The following ACSM3 variants were observed in gnomAD, a reference collection of about 807,000 sequenced individuals.
The protein encoded by ACSM3 is acyl-CoA synthetase medium chain family member 3.
A neutral mutation model predicts 74.1 loss-of-function variants in ACSM3; 61 were observed. The observed-to-expected ratio is 0.82, with a 90% CI of 0.67 to 1.02. The LOEUF (loss-of-function observed/expected upper bound fraction) is 1.02, where lower values mean the gene tolerates loss of function less well. Among genes scored for constraint, ACSM3 ranks in the 50% least tolerant of loss-of-function variants. The pLI is 0.00. For missense variants in ACSM3, 660 were observed against 697.0 expected, an observed-to-expected ratio of 0.95 and a Z score of 0.60; for synonymous variants, 213 against 241.5, an observed-to-expected ratio of 0.88 and a Z score of 1.09.
At chr16:20,747,389 G>A (rs770262498) in intron 1 of ACSM3, among the ~76,000 whole-genome samples, 1 of 152,132 alleles carries the variant, frequency 6.6e-6, no homozygotes, top group Non-Finnish European at 1.5e-5. Flanking sequence ...TTAACAAACT[G>A]CCTTTGTTCT....
At chr16:20,749,601 GAGA>G (rs2079973957) in intron 1 of ACSM3, 1 of 152,318 alleles carries the variant, frequency 6.6e-6, no homozygotes, top group East Asian at 1.9e-4. Context: ...GAGCCAGAAA[GAGA>G]AGTAGAGACA....
At chr16:20,728,037 T>C (rs1376819540) in intron 1 of ACSM3, 2 of 202,640 alleles carry the variant, frequency 9.9e-6, no homozygotes, top group African/African-American at 4.8e-5. Context: ...TCTCAAATAG[T>C]ATATTTCAGA....
At chr16:20,709,119 T>A (rs1596482412) in intron 1 of ACSM3, among the ~76,000 whole-genome samples, 1 of 152,174 alleles carries the variant, frequency 6.6e-6, no homozygotes, top group East Asian at 1.9e-4. Flanking sequence ...ACCCAAAGTA[T>A]AATTTAAAAA....
intron 4 of ACSM3, chr16:20,780,498 TA>T: frequency 1.1e-6 from 1 of 883,468 alleles, no homozygotes; most frequent in South Asian, 1.8e-5. Context: ...GCAGCTATTA[TA>T]AATGGGCCTT....
In ACSM3 at chr16:20,697,281, T is replaced by G. The variant is rs147497283; in HGVS notation, c.-190+22459T>G. ...TTCACTTTATAGAAAGTGAGCCAAC[T>G]TCTGCATAGATAGAAAAGATTTCCT... On this transcript the variant is annotated intron_variant, in intron 1 of 3. Transcript: ENST00000561584. Among the ~76,000 whole-genome samples the G allele has an allele frequency of 7.6e-3, 1,151 of 152,238 alleles. 10 individuals are homozygous for G. Among genetic ancestry groups the G allele is most frequent in the African/African-American group, 0.027 (1,122 of 41,514 alleles).
At chr16:20,788,480 CT>C (rs1268609876) in intron 9 of ACSM3, among the ~76,000 whole-genome samples, 4 of 152,140 alleles carry the variant, frequency 2.6e-5, no homozygotes, top group Non-Finnish European at 4.4e-5. Context: ...GAAAACAGTA[CT>C]TTTTCTGCAT....
chr16:20,754,504 C>T (rs1477347094), intron 2 of ACSM3, among the ~76,000 whole-genome samples: 1 of 152,186 alleles, frequency 6.6e-6, no homozygotes, highest in Non-Finnish European at 1.5e-5. Flanking sequence ...CAGAACAGTG[C>T]AAATAAGGCA....
intron 1 of ACSM3, chr16:20,729,360 T>C: frequency 7.1e-7 from 1 of 1,416,960 alleles, no homozygotes; most frequent in Admixed American, 1.7e-5. Context: ...TCCTCTGGGT[T>C]TGTAGATTTG....
At chr16:20,702,228 T>C (rs1433938515) in intron 1 of ACSM3, among the ~76,000 whole-genome samples, 3 of 152,210 alleles carry the variant, frequency 2.0e-5, no homozygotes, top group Non-Finnish European at 4.4e-5. Context: ...TTTCTTTTTT[T>C]ATAAGACAGA....
intron 1 of ACSM3, among the ~76,000 whole-genome samples, chr16:20,707,162 G>T (rs751391778): frequency 5.9e-5 from 9 of 152,122 alleles, no homozygotes; most frequent in Non-Finnish European, 8.8e-5. Flanking sequence ...AGTCCCCAGG[G>T]TCATACTTGC....
At chr16:20,683,826 C>G (rs1464954788) in intron 1 of ACSM3, among the ~76,000 whole-genome samples, 1 of 151,924 alleles carries the variant, frequency 6.6e-6, no homozygotes, top group Non-Finnish European at 1.5e-5. Context: ...CCTCAGCCTC[C>G]CAAAGTGCTG....
At chr16:20,743,230 G>A (rs1163489192) in intron 1 of ACSM3, among the ~76,000 whole-genome samples, 7 of 152,044 alleles carry the variant, frequency 4.6e-5, no homozygotes, top group African/African-American at 9.7e-5. Flanking sequence ...GAGCCACCGC[G>A]CCTGGCCGTA....
chr16:20,776,835 G>A (rs1037131755), intron 3 of ACSM3, among the ~76,000 whole-genome samples: 7 of 152,162 alleles, frequency 4.6e-5, no homozygotes, highest in Non-Finnish European at 1.0e-4. Flanking sequence ...CAGAAAAGAT[G>A]AATGCCTCCA....
intron 1 of ACSM3, chr16:20,741,490 C>A: frequency 4.7e-6 from 1 of 210,614 alleles, no homozygotes; most frequent in Non-Finnish European, 9.5e-6. Flanking sequence ...GGCCCGCCCG[C>A]CCACCCCGGG....
At chr16:20,682,926 A>T (rs2079476379) in intron 1 of ACSM3, among the ~76,000 whole-genome samples, 1 of 151,698 alleles carries the variant, frequency 6.6e-6, no homozygotes, top group Non-Finnish European at 1.5e-5. Context: ...GTATTTCACC[A>T]CATTGTCCTT....
intron 1 of ACSM3, among the ~76,000 whole-genome samples, chr16:20,709,275 T>C (rs919590694): frequency 6.6e-6 from 1 of 152,154 alleles, no homozygotes; most frequent in African/African-American, 2.4e-5. Context: ...AAAAAAATGA[T>C]ATTGCTTAAC....
intron 1 of ACSM3, among the ~76,000 whole-genome samples, chr16:20,691,803 GTGTT>G (rs1453964171): frequency 3.4e-5 from 4 of 116,322 alleles, no homozygotes; most frequent in African/African-American, 1.2e-4. Context: ...GTGTGTGTGT[GTGTT>G]TCTAAACAGA....
At chr16:20,703,816 C>G (rs1391819944) in intron 1 of ACSM3, 1 of 152,206 alleles carries the variant, frequency 6.6e-6, no homozygotes, top group African/African-American at 2.4e-5. Flanking sequence ...GCCACAATGT[C>G]TGGCCAGAAC....
chr16:20,792,449 A>G, intron 12 of ACSM3, 114 bp downstream of exon 12: 1 of 1,545,928 alleles, frequency 6.5e-7, no homozygotes, highest in Non-Finnish European at 8.8e-7. Context: ...TAAATATGCA[A>G]GTCAGATAGA....
Sources: allele counts gnomAD v4.1 joint callset (sites outside exome capture counted in the v4.1 genomes callset), GRCh38; gene constraint gnomAD v4.1.1; transcripts MANE v1.5; gene names NCBI Gene and HGNC (gene_info 2026-07-23, HGNC 2026-07-21).